Variants in MALRD1 observed in about 807,000 individuals in gnomAD.
MALRD1 encodes MAM and LDL-receptor class A domain-containing protein 1.
In MALRD1, 247 loss-of-function variants were observed where a neutral mutation model predicts 242.1. The observed-to-expected ratio is 1.02, with a 90% CI of 0.92 to 1.13. The LOEUF is 1.13. Among genes scored for constraint, MALRD1 ranks in the 50% most tolerant of loss-of-function variants. The pLI, the probability that MALRD1 is intolerant of heterozygous loss-of-function variation, is 0.00. For synonymous variants in MALRD1, 995 were observed against 866.6 expected, an observed-to-expected ratio of 1.15 and a Z score of -2.60; for missense variants, 2,989 against 2,533.1, an observed-to-expected ratio of 1.18 and a Z score of -3.86.
At position 19,730,733 on chromosome 10, in the gene MALRD1, C is replaced by T. The variant is rs1157062809; in HGVS notation, c.6342C>T (p.Ala2114=). 1.3e-6 allele frequency: 2 copies of T among 1,536,594 alleles called. No individual in the cohort carries two copies. Among genetic ancestry groups the T allele is most frequent in the South Asian group, 1.2e-5 (1 of 84,050 alleles). ...IRKTEGSGNC[A]FVNPVYGNWS... is the part of the protein sequence containing the mutation. ...AAACCGAGGGAAGTGGTAACTGTGC[C>T]TTTGTCAATCCAGTTTACGGGAACT... Residue 2114 remains alanine, a synonymous_variant, in exon 39 of 40, where the codon GCC becomes GCT. Transcript: ENST00000454679.
At chr10:19,386,331 C>T (rs114228610) in intron 26 of MALRD1, among the ~76,000 whole-genome samples, 2,559 of 152,024 alleles carry the variant, frequency 0.017, 71 homozygotes, top group African/African-American at 0.059. Flanking sequence ...TCCAGAGGTT[C>T]ATGTGGCAGG....
intron 33 of MALRD1, among the ~76,000 whole-genome samples, chr10:19,581,842 T>G (rs2131510001): frequency 6.6e-6 from 1 of 151,984 alleles, no homozygotes; most frequent in East Asian, 1.9e-4. Flanking sequence ...ACCAACAGTG[T>G]AAAAGTGTTC....
chr10:19,087,848 C>T lies in MALRD1; in HGVS notation c.349C>T (p.Leu117Phe). The change falls in exon 3 of 40, where the codon CTC becomes TTC. Residue 117 changes from leucine to phenylalanine, a missense_variant. Physicochemically the swap from Leu to Phe is conservative, Grantham distance 22. Transcript: ENST00000454679. ...TCTCTTCTTTCTGATAGCTCACTTC[C>T]TCTCACTGGTTTCCAGAGTGGATTC... ...DHNGDVSAHF[L>F]SLVSRVDSIS... The T allele has an allele frequency of 1.6e-6, 2 of 1,232,228 alleles. No homozygotes were observed. Among genetic ancestry groups the T allele is most frequent in the East Asian group, 3.2e-5 (1 of 31,642 alleles). The allele number at this position is 1,232,228 out of a possible 1,614,324, so 76.3% of individuals were successfully genotyped here.
At chr10:19,678,851 A>G (rs1842245721) in intron 36 of MALRD1, among the ~76,000 whole-genome samples, 1 of 152,164 alleles carries the variant, frequency 6.6e-6, no homozygotes, top group Non-Finnish European at 1.5e-5. Context: ...GAGAGGTTTT[A>G]ACAGGAAGGG....
At chr10:19,454,620 G>C (rs1835535471) in intron 29 of MALRD1, among the ~76,000 whole-genome samples, 1 of 150,622 alleles carries the variant, frequency 6.6e-6, no homozygotes, top group Admixed American at 6.6e-5. Context: ...GAAGCTCCTG[G>C]ATTTGTGATG....
chr10:19,152,565 C>T (rs1176974664), intron 11 of MALRD1, among the ~76,000 whole-genome samples: 1 of 151,568 alleles, frequency 6.6e-6, no homozygotes, highest in African/African-American at 2.4e-5. Context: ...AAATTTATTC[C>T]TACATTAAAA....
intron 18 of MALRD1, among the ~76,000 whole-genome samples, chr10:19,251,551 A>G (rs1289274124): frequency 6.6e-6 from 1 of 151,906 alleles, no homozygotes; most frequent in Non-Finnish European, 1.5e-5. Flanking sequence ...GTCTTTCTGT[A>G]TCAGGGATCT....
chr10:19,559,709 G>C (rs189098583), intron 32 of MALRD1, among the ~76,000 whole-genome samples: 96 of 152,216 alleles, frequency 6.3e-4, no homozygotes, highest in East Asian at 7.7e-4. Flanking sequence ...GCAACCTAGA[G>C]AATGGGAGAA....
At chr10:19,225,286 A>G (rs990404796) in intron 18 of MALRD1, among the ~76,000 whole-genome samples, 20 of 152,158 alleles carry the variant, frequency 1.3e-4, no homozygotes, top group African/African-American at 4.3e-4. Context: ...GAGAATGGAG[A>G]TAATGGAGAT....
chr10:19,219,652 G>T (rs962279816), intron 18 of MALRD1, among the ~76,000 whole-genome samples: 31 of 152,056 alleles, frequency 2.0e-4, no homozygotes, highest in African/African-American at 6.0e-4. Flanking sequence ...TCAAATTCTT[G>T]AGCTCAAGAG....
intron 26 of MALRD1, among the ~76,000 whole-genome samples, chr10:19,372,887 A>G (rs1031892518): frequency 2.6e-5 from 4 of 152,150 alleles, no homozygotes; most frequent in Admixed American, 2.6e-4. Context: ...TGTAGTTTTT[A>G]AAAGCTCAGC....
intron 26 of MALRD1, among the ~76,000 whole-genome samples, chr10:19,376,769 G>A (rs1845626749): frequency 6.6e-6 from 1 of 151,706 alleles, no homozygotes; most frequent in Admixed American, 6.6e-5. Context: ...ATTAGAGACG[G>A]GGTTTCAGTC....
At chr10:19,174,994 C>A (rs949185470) in intron 13 of MALRD1, among the ~76,000 whole-genome samples, 2 of 152,112 alleles carry the variant, frequency 1.3e-5, no homozygotes, top group East Asian at 1.9e-4. Context: ...TTAATTGAAA[C>A]AAGGTTACCT....
At position 19,353,913 on chromosome 10, in the gene MALRD1, A is replaced by G. The variant is rs537607779; in HGVS notation, c.4441+1616A>G. On this transcript the variant is annotated intron_variant, in intron 26 of 39. Transcript: ENST00000454679. Reference sequence around the variant, plus strand: ...GTTTGTTTTTTGTTTTTTGGTAGAGATGAGTTTTCGTTATGTTGGCCAGGC... The same window carrying G: ...GTTTGTTTTTTGTTTTTTGGTAGAGGTGAGTTTTCGTTATGTTGGCCAGGC... Among the ~76,000 whole-genome samples, 188 of 151,824 alleles carry G rather than the reference A, an allele frequency of 1.2e-3. 1 individual carries two copies. The highest frequency in any genetic ancestry group is 2.4e-3 in the Non-Finnish European group (164 of 67,962).
chr10:19,500,022 G>A (rs943432535), intron 31 of MALRD1, among the ~76,000 whole-genome samples: 4 of 152,096 alleles, frequency 2.6e-5, no homozygotes, highest in Non-Finnish European at 4.4e-5. Context: ...CAAGTATTTT[G>A]TTGAGGATTT....
At chr10:19,693,185 C>T (rs555621483) in intron 38 of MALRD1, among the ~76,000 whole-genome samples, 2 of 151,968 alleles carry the variant, frequency 1.3e-5, no homozygotes, top group Admixed American at 6.6e-5. Context: ...TGCCCTCTCT[C>T]ACCACTCCTA....
At chr10:19,532,316 G>A (rs1834450519) in intron 32 of MALRD1, among the ~76,000 whole-genome samples, 1 of 152,134 alleles carries the variant, frequency 6.6e-6, no homozygotes, top group Non-Finnish European at 1.5e-5. Flanking sequence ...GTGCAGTGGT[G>A]CGATCTCAGT....
chr10:19,087,998 G>C, intron 3 of MALRD1, 26 bp from the exon 4 acceptor site: 1 of 1,233,104 alleles, frequency 8.1e-7, no homozygotes, highest in Non-Finnish European at 1.0e-6. Flanking sequence ...TATCATAATT[G>C]TTTGGGTACT....
chr10:19,195,138 T>C (rs916569543), intron 14 of MALRD1, among the ~76,000 whole-genome samples: 1 of 152,166 alleles, frequency 6.6e-6, no homozygotes, highest in African/African-American at 2.4e-5. Flanking sequence ...AAAAGCAGCG[T>C]ACATAGTGTT....
Sources: allele counts gnomAD v4.1 joint callset (sites outside exome capture counted in the v4.1 genomes callset), GRCh38; gene constraint gnomAD v4.1.1; transcripts MANE v1.5; gene names NCBI Gene and HGNC (gene_info 2026-07-23, HGNC 2026-07-21).